RAB3GAP2: variants seen among roughly 807,000 people sequenced by gnomAD.
RAB3GAP2 encodes the protein RAB3 GTPase activating non-catalytic protein subunit 2.
In RAB3GAP2, 87 loss-of-function variants were observed where a neutral mutation model predicts 185.3. That is an observed-to-expected ratio of 0.47 (90% CI 0.39 to 0.56). The LOEUF is 0.56. Among genes scored for constraint, RAB3GAP2 ranks in the 20% least tolerant of loss-of-function variants. The probability of loss-of-function intolerance (pLI) is 0.00; values close to 1 mark genes in which losing one functional copy is unlikely to be tolerated. For synonymous variants in RAB3GAP2, 554 were observed against 576.1 expected (o/e 0.96, Z 0.55); for missense variants, 1,492 against 1,638.2 (o/e 0.91, Z 1.54).
At chr1:220,214,923 T>TTTTTC (rs1367114306) in intron 2 of RAB3GAP2, among the ~76,000 whole-genome samples, 2 of 113,302 alleles carry the variant, frequency 1.8e-5, no homozygotes, top group Non-Finnish European at 3.4e-5. Flanking sequence ...TTTTCCTCCC[T>TTTTTC]TTTTCTTACA....
intron 1 of RAB3GAP2, among the ~76,000 whole-genome samples, chr1:220,270,895 C>G (rs1270919453): frequency 2.0e-5 from 3 of 152,222 alleles, no homozygotes; most frequent in African/African-American, 7.2e-5. Flanking sequence ...ATTACTACTA[C>G]TGCCTCATTG....
intron 1 of RAB3GAP2, chr1:220,267,564 T>G: frequency 7.3e-7 from 1 of 1,376,968 alleles, no homozygotes; most frequent in Admixed American, 1.7e-5. Flanking sequence ...TTCATTTTTC[T>G]GTTTTGATGC....
chr1:220,152,698 T>G (rs1243366981), intron 33 of RAB3GAP2, among the ~76,000 whole-genome samples: 1 of 152,192 alleles, frequency 6.6e-6, no homozygotes, highest in Admixed American at 6.6e-5. Context: ...TGATCCTGTT[T>G]CTTTCTTTTT....
intron 18 of RAB3GAP2, among the ~76,000 whole-genome samples, chr1:220,185,229 G>A (rs1166509124): frequency 1.3e-5 from 2 of 152,078 alleles, no homozygotes; most frequent in African/African-American, 4.8e-5. Context: ...GGATTTTAAA[G>A]AACAATGTGA....
At chr1:220,205,772 C>G in intron 8 of RAB3GAP2, 135 bp downstream of exon 8, 1 of 683,372 alleles carries the variant, frequency 1.5e-6, no homozygotes, top group Non-Finnish European at 2.6e-6. Flanking sequence ...CCTTTCTCTA[C>G]AGAAGGCAGG....
chr1:220,266,693 C>A, intron 1 of RAB3GAP2: 1 of 1,558,780 alleles, frequency 6.4e-7, no homozygotes, highest in South Asian at 1.1e-5. Flanking sequence ...ATTTCTCCCC[C>A]TGCACGATTC....
intron 21 of RAB3GAP2, among the ~76,000 whole-genome samples, chr1:220,179,327 A>AATAGTAAGTATATATGC (rs1407751922): frequency 6.6e-6 from 1 of 151,974 alleles, no homozygotes; most frequent in African/African-American, 2.4e-5. Context: ...AGGATCTAAC[A>AATAGTAAGTATATATGC]ATAGTAAGTA....
intron 1 of RAB3GAP2, among the ~76,000 whole-genome samples, chr1:220,235,592 A>G (rs1048582301): frequency 1.3e-5 from 2 of 152,216 alleles, no homozygotes; most frequent in Non-Finnish European, 2.9e-5. Context: ...GAACTGTGCT[A>G]AGTGCTGGAA....
intron 1 of RAB3GAP2, among the ~76,000 whole-genome samples, chr1:220,244,731 A>C (rs1659764272): frequency 6.6e-6 from 1 of 152,172 alleles, no homozygotes; most frequent in Non-Finnish European, 1.5e-5. Flanking sequence ...GAACAGAATA[A>C]AGAACCCAGA....
chr1:220,194,288 A>C (rs1327908128), intron 12 of RAB3GAP2, among the ~76,000 whole-genome samples: 4 of 152,142 alleles, frequency 2.6e-5, no homozygotes, highest in Non-Finnish European at 4.4e-5. Flanking sequence ...TCCACCAAAA[A>C]AAACTCACCA....
At chr1:220,230,413 T>C (rs1659476864) in intron 2 of RAB3GAP2, among the ~76,000 whole-genome samples, 1 of 152,230 alleles carries the variant, frequency 6.6e-6, no homozygotes, top group African/African-American at 2.4e-5. Context: ...TGACATAGCA[T>C]TAGAAAGAGG....
At chr1:220,206,547 C>T (rs189609804) in intron 7 of RAB3GAP2, among the ~76,000 whole-genome samples, 35 of 152,274 alleles carry the variant, frequency 2.3e-4, no homozygotes, top group South Asian at 1.2e-3. Context: ...TTCATATTGA[C>T]GGACATTCAG....
At chr1:220,189,239 A>G (rs996666437) in intron 17 of RAB3GAP2, among the ~76,000 whole-genome samples, 2 of 151,846 alleles carry the variant, frequency 1.3e-5, no homozygotes, top group African/African-American at 4.8e-5. Flanking sequence ...TATATAAAAC[A>G]CACTCAGATG....
rs186838790 is a variant in RAB3GAP2, at chr1:220,264,025, C to T, written c.115+8198G>A. On this transcript the variant is annotated intron_variant, in intron 1 of 34. Coordinates refer to ENST00000358951, the MANE Select transcript of RAB3GAP2 (RefSeq NM_012414.4). Reference sequence around the variant, plus strand: ...TCTAAACACTATAGGGAAATGATACCCACCGACATCCATTAAAAAAAAATG... The same window carrying T: ...TCTAAACACTATAGGGAAATGATACTCACCGACATCCATTAAAAAAAAATG... Among the ~76,000 whole-genome samples the T allele has an allele frequency of 1.6e-4, 24 of 150,970 alleles. 1 individual carries two copies. The East Asian group carries it at 4.6e-3, about 29-fold the overall frequency.
chr1:220,232,883 C>T lies in RAB3GAP2; in HGVS notation c.116-20G>A, dbSNP rs754072097. The T allele has an allele frequency of 2.1e-5, 33 of 1,604,972 alleles. No individual in the cohort carries two copies. The highest frequency in any genetic ancestry group is 2.2e-5 in the Non-Finnish European group (26 of 1,171,906). On this transcript the variant is annotated intron_variant, in intron 1 of 34. Coordinates refer to ENST00000358951, the MANE Select transcript of RAB3GAP2 (RefSeq NM_012414.4). ...ATTTACCTGTTTTTAAAAAGATGAACAATGCTTGCATGAAATATAGGGCTT... is the reference window on the plus strand; with the variant it reads ...ATTTACCTGTTTTTAAAAAGATGAATAATGCTTGCATGAAATATAGGGCTT...
At position 220,151,012 on chromosome 1, in the gene RAB3GAP2, C is replaced by T. The variant is rs1657741974; in HGVS notation, c.*239G>A. 2 of 456,006 alleles carry T rather than the reference C, an allele frequency of 4.4e-6. No homozygotes were observed. Among genetic ancestry groups the T allele is most frequent in the Non-Finnish European group, 7.7e-6 (2 of 260,326 alleles). The allele number at this position is 456,006 out of a possible 1,614,324, so 28.2% of individuals were successfully genotyped here. On this transcript the variant is annotated 3_prime_UTR_variant, in exon 35 of 35. Coordinates refer to ENST00000358951, the MANE Select transcript of RAB3GAP2 (RefSeq NM_012414.4). ...TTTGAATTAGAAATAAACAGTAAAA[C>T]ATCTGTATTAATTATAACAGAGTTG... is the stretch of plus-strand genomic sequence containing the variant.
At chr1:220,190,799 T>A (rs1571891227) in intron 14 of RAB3GAP2, among the ~76,000 whole-genome samples, 2 of 152,234 alleles carry the variant, frequency 1.3e-5, no homozygotes, top group Admixed American at 1.3e-4. Flanking sequence ...AAGGAACCTT[T>A]CCTTTTGAGC....
chr1:220,212,106 T>C (rs929695434), intron 4 of RAB3GAP2, among the ~76,000 whole-genome samples: 2 of 152,214 alleles, frequency 1.3e-5, no homozygotes, highest in African/African-American at 4.8e-5. Flanking sequence ...CCATACTGGA[T>C]ATCATGGTTA....
rs1028275341 is a variant in RAB3GAP2 at position 220,190,146 on chromosome 1, A to G, written c.1632T>C (p.Ser544=). 1 of 1,609,464 alleles carries G rather than the reference A, an allele frequency of 6.2e-7. No homozygotes were observed. The change falls in exon 16 of 35, where the codon AGT becomes AGC. Residue 544 remains serine (S), a splice_region_variant and synonymous_variant. Coordinates refer to ENST00000358951, the MANE Select transcript of RAB3GAP2 (RefSeq NM_012414.4). The part of the protein sequence containing the change: ...TVNVPFHLAL[S]DKKSERAKDM... ...CCTTGGCTCGTTCACTCTTCTTATCACTAAACCAATAAATATAACAAATTA... is the reference window on the plus strand; with the variant it reads ...CCTTGGCTCGTTCACTCTTCTTATCGCTAAACCAATAAATATAACAAATTA...
Sources: allele counts gnomAD v4.1 joint callset (sites outside exome capture counted in the v4.1 genomes callset), GRCh38; gene constraint gnomAD v4.1.1; transcripts MANE v1.5; gene names NCBI Gene and HGNC (gene_info 2026-07-23, HGNC 2026-07-21).